Variants in ITPRID1 observed in about 807,000 individuals in gnomAD.
ITPRID1 encodes the protein protein ITPRID1.
Under a neutral mutation model 95.4 loss-of-function variants are expected in ITPRID1, and 96 were observed. The ratio of observed to expected loss-of-function variants is 1.01; its 90% CI spans 0.85 to 1.19. The LOEUF (loss-of-function observed/expected upper bound fraction) is 1.19, where lower values mean the gene tolerates loss of function less well. Ranked by LOEUF, ITPRID1 falls within the 50% of genes most tolerant of loss-of-function variation. The pLI is 0.00. For missense variants in ITPRID1, 1,339 were observed against 1,252.9 expected (o/e 1.07, Z -1.04); for synonymous variants, 510 against 453.6 (o/e 1.12, Z -1.58).
intron 1 of ITPRID1, among the ~76,000 whole-genome samples, chr7:31,522,662 C>T (rs1489352034): frequency 1.3e-5 from 2 of 152,196 alleles, no homozygotes; most frequent in African/African-American, 4.8e-5. Flanking sequence ...GAATGTCTTT[C>T]CCTGAATATC....
At position 31,541,862 on chromosome 7, in the gene ITPRID1, CT is replaced by C. The variant is rs1783943927; in HGVS notation, c.-97-7561del. On this transcript the variant is annotated intron_variant, in intron 1 of 14. Coordinates refer to ENST00000615280, the MANE Select transcript of ITPRID1 (RefSeq NM_001257967.3). The stretch of plus-strand genomic sequence containing the variant: ...ATTTTTGTTAAAGAGCAGGTTAGTG[CT>C]TTAAGAGAAACCCATTGTGCTTCTA... Among the ~76,000 whole-genome samples the C allele has an allele frequency of 2.0e-5, 3 of 152,234 alleles. No individual in the cohort carries two copies. In the South Asian group the frequency reaches 6.2e-4, roughly 32 times the overall value.
intron 1 of ITPRID1, among the ~76,000 whole-genome samples, chr7:31,539,176 TTTTTTG>T (rs902194155): frequency 3.3e-5 from 5 of 152,212 alleles, no homozygotes; most frequent in Admixed American, 1.3e-4. Flanking sequence ...GAACATAAGT[TTTTTTG>T]TTTTTGTTTT....
At chr7:31,645,758 AG>A (rs1226998758) in intron 12 of ITPRID1, among the ~76,000 whole-genome samples, 1 of 152,054 alleles carries the variant, frequency 6.6e-6, no homozygotes, top group Non-Finnish European at 1.5e-5. Context: ...TCACAACGGG[AG>A]GGGGGTGGTT....
chr7:31,547,683 A>G (rs1447778184), intron 1 of ITPRID1, among the ~76,000 whole-genome samples: 1 of 152,134 alleles, frequency 6.6e-6, no homozygotes, highest in East Asian at 1.9e-4. Context: ...AATGAAAGGA[A>G]TAGAGGAATC....
intron 10 of ITPRID1, among the ~76,000 whole-genome samples, chr7:31,628,053 A>G (rs1788637585): frequency 6.6e-6 from 1 of 152,204 alleles, no homozygotes; most frequent in Admixed American, 6.5e-5. Flanking sequence ...CCCCAGGCCT[A>G]AAAAAGCAGA....
chr7:31,544,923 T>C (rs1445780934), intron 1 of ITPRID1, among the ~76,000 whole-genome samples: 1 of 152,142 alleles, frequency 6.6e-6, no homozygotes. Context: ...TAAAGAGTTA[T>C]TGCTAATCAT....
chr7:31,657,444 T>C (rs1324375160), downstream of ITPRID1, among the ~76,000 whole-genome samples: 1 of 152,210 alleles, frequency 6.6e-6, no homozygotes, highest in Non-Finnish European at 1.5e-5. Flanking sequence ...TTGAAAAACA[T>C]TGCACTGTGC....
rs746748979 is a variant in ITPRID1, at chr7:31,554,534, T to TTG, written c.212+22_212+23dup. 9.3e-6 allele frequency: 15 copies of TTG among 1,605,062 alleles called. No homozygotes were observed. Among genetic ancestry groups the TTG allele is most frequent in the East Asian group, 2.2e-5 (1 of 44,566 alleles). On this transcript the variant is annotated intron_variant, in intron 4 of 14. Transcript: ENST00000615280. ...GGACTCTGGATTCTTGTAAGTGTTT[T>TTG]TGTGTGTGTGTGCCTTACATGTTTC...
intron 6 of ITPRID1, 93 bp downstream of exon 6, chr7:31,569,902 C>A (rs1214643380): frequency 2.0e-6 from 2 of 1,022,672 alleles, no homozygotes; most frequent in Non-Finnish European, 2.9e-6. Context: ...CTTAATATTG[C>A]CATAGCTCTT....
In ITPRID1 at chr7:31,653,964, G is replaced by A. The variant is rs1791157515; in HGVS notation, c.*1135G>A. On this transcript the variant is annotated 3_prime_UTR_variant, in exon 15 of 15. Coordinates refer to ENST00000615280, the MANE Select transcript of ITPRID1 (RefSeq NM_001257967.3). ...TGGGAGTACTGATGAAACACCTACTGTGTGCAGGCTACTATTCTAGTGCTG... is the reference window on the plus strand; with the variant it reads ...TGGGAGTACTGATGAAACACCTACTATGTGCAGGCTACTATTCTAGTGCTG... Among the ~76,000 whole-genome samples the A allele has an allele frequency of 6.6e-6, 1 of 150,646 alleles. No homozygotes were observed. The highest frequency in any genetic ancestry group is 1.5e-5 in the Non-Finnish European group (1 of 67,878).
At position 31,642,801 on chromosome 7, in the gene ITPRID1, C is replaced by T. The variant is rs1790143498; in HGVS notation, c.1431C>T (p.Ser477=). ...AGCTAGAGTCGGATGGGCCAGATTCCAAAAGTAGGGCGAGCATGTCTTTTT... is the reference window on the plus strand; with the variant it reads ...AGCTAGAGTCGGATGGGCCAGATTCTAAAAGTAGGGCGAGCATGTCTTTTT... ...DCQLESDGPD[S]KSRASMSFSS... The change falls in exon 12 of 15, where the codon TCC becomes TCT. Residue 477 remains serine (S), a synonymous_variant. Transcript: ENST00000615280. The T allele has an allele frequency of 1.2e-6, 2 of 1,613,984 alleles. No homozygotes were observed. The highest frequency in any genetic ancestry group is 1.7e-6 in the Non-Finnish European group (2 of 1,179,882).
chr7:31,614,070 G>C (rs2007818), intron 10 of ITPRID1, among the ~76,000 whole-genome samples: 71,402 of 152,002 alleles, frequency 0.47, 17,376 homozygotes, highest in African/African-American at 0.59. Context: ...GGAGTTGAAT[G>C]CAGGTCAGGT....
chr7:31,574,899 C>A (rs531875692), intron 8 of ITPRID1, among the ~76,000 whole-genome samples, 157 bp downstream of exon 8: 3 of 152,210 alleles, frequency 2.0e-5, no homozygotes, highest in Admixed American at 2.0e-4. Context: ...TCCTATATGT[C>A]CAGTGGGAGT....
chr7:31,612,321 A>G (rs776720556), intron 10 of ITPRID1, among the ~76,000 whole-genome samples: 1 of 152,070 alleles, frequency 6.6e-6, no homozygotes, highest in Non-Finnish European at 1.5e-5. Flanking sequence ...TGAGAACAAC[A>G]TTTGCATTTC....
chr7:31,569,814 G>A lies in ITPRID1; in HGVS notation c.308+5G>A. On this transcript the variant is annotated splice_donor_5th_base_variant and intron_variant, in intron 6 of 14. Coordinates refer to ENST00000615280, the MANE Select transcript of ITPRID1 (RefSeq NM_001257967.3). ...GACTGTGAAAGACTACATGAGGTAG[G>A]TAGCAGAATCAGTGTTACTTCATGC... is the stretch of plus-strand genomic sequence containing the variant. The A allele has an allele frequency of 6.3e-7, 1 of 1,581,098 alleles. No individual in the cohort carries two copies. The highest frequency in any genetic ancestry group is 8.6e-7 in the Non-Finnish European group (1 of 1,162,112).
intron 12 of ITPRID1, 44 bp from the exon 13 acceptor site, chr7:31,651,098 G>T: frequency 6.3e-7 from 1 of 1,596,678 alleles, no homozygotes. Flanking sequence ...TCTTGCAGAG[G>T]ATCAGAGAGG....
chr7:31,622,912 G>C (rs1788057224), intron 10 of ITPRID1, among the ~76,000 whole-genome samples: 1 of 152,160 alleles, frequency 6.6e-6, no homozygotes, highest in African/African-American at 2.4e-5. Context: ...AATAAAAAAT[G>C]ATAAAGGGGA....
intron 10 of ITPRID1, among the ~76,000 whole-genome samples, chr7:31,630,087 T>A (rs1788853019): frequency 6.6e-6 from 1 of 152,054 alleles, no homozygotes. Flanking sequence ...TACTGATTAA[T>A]TGGGGAGTTA....
chr7:31,522,705 C>G (rs1052478158), intron 1 of ITPRID1, among the ~76,000 whole-genome samples: 1 of 152,134 alleles, frequency 6.6e-6, no homozygotes, highest in Non-Finnish European at 1.5e-5. Flanking sequence ...AGGCATTAGA[C>G]AGAAATTCCA....
Sources: gnomAD v4.1 joint callset for allele counts (sites outside exome capture counted in the v4.1 genomes callset) on GRCh38, gnomAD v4.1.1 for gene constraint, MANE v1.5 for transcripts, NCBI Gene and HGNC (gene_info 2026-07-23, HGNC 2026-07-21) for gene names.